SUPT6H: variants seen among roughly 807,000 people sequenced by gnomAD.
The protein encoded by SUPT6H is transcription elongation factor SPT6.
Under a neutral mutation model 222.3 loss-of-function variants are expected in SUPT6H, and 11 were observed. The observed-to-expected ratio is 0.05, with a 90% confidence interval of 0.03 to 0.08. SUPT6H has a LOEUF of 0.08. SUPT6H is among the 10% of genes least tolerant of loss of function. The pLI is 1.00. For synonymous variants in SUPT6H, 762 were observed against 801.2 expected (o/e 0.95, Z 0.83); for missense variants, 1,422 against 2,216.0 (o/e 0.64, Z 7.19).
intron 8 of SUPT6H, 50 bp from the exon 9 acceptor site, chr17:28,678,026 G>A (rs777061270): frequency 5.1e-6 from 8 of 1,575,312 alleles, no homozygotes; most frequent in South Asian, 2.3e-5. Flanking sequence ...TGTATGGTAA[G>A]ACAAACCAAG....
At chr17:28,693,643 G>C in intron 27 of SUPT6H, 53 bp from the exon 28 acceptor site, 1 of 1,604,770 alleles carries the variant, frequency 6.2e-7, no homozygotes, top group Non-Finnish European at 8.5e-7. Flanking sequence ...TTTTCTGAAT[G>C]AGCGATCTCC....
chr17:28,667,622 C>T (rs1246593035), intron 1 of SUPT6H, among the ~76,000 whole-genome samples: 1 of 150,526 alleles, frequency 6.6e-6, no homozygotes, highest in Non-Finnish European at 1.5e-5. Context: ...GGCTGTTCTC[C>T]AGAGCACCAC....
intron 1 of SUPT6H, among the ~76,000 whole-genome samples, chr17:28,667,394 A>AAAAAAAT (rs1555546879): frequency 1.7e-5 from 1 of 59,330 alleles, no homozygotes; most frequent in Non-Finnish European, 3.0e-5. Flanking sequence ...AAAAAAAAAA[A>AAAAAAAT]GTGTGTGTGT....
chr17:28,674,846 C>T (rs1225954510), intron 4 of SUPT6H, 124 bp from the exon 5 acceptor site: 1 of 1,222,994 alleles, frequency 8.2e-7, no homozygotes, highest in Non-Finnish European at 1.1e-6. Context: ...CATCACTCGG[C>T]ATGTTCTTTC....
chr17:28,682,148 T>C (rs1423221987), intron 13 of SUPT6H, 168 bp downstream of exon 13: 3 of 515,486 alleles, frequency 5.8e-6, no homozygotes, highest in Non-Finnish European at 1.0e-5. Flanking sequence ...TCCAAACCCA[T>C]TCCCGCCCGA....
At chr17:28,678,035 A>G (rs2030865448) in intron 8 of SUPT6H, 41 bp from the exon 9 acceptor site, 1 of 1,579,674 alleles carries the variant, frequency 6.3e-7, no homozygotes, top group Admixed American at 1.7e-5. Context: ...AGACAAACCA[A>G]GTAAACATTG....
chr17:28,699,686 C>T (rs1470925810), intron 32 of SUPT6H, 95 bp from the exon 33 acceptor site: 2 of 1,021,584 alleles, frequency 2.0e-6, no homozygotes, highest in East Asian at 4.7e-5. Flanking sequence ...CCCTAGCACC[C>T]AGAATGGCTA....
intron 27 of SUPT6H, among the ~76,000 whole-genome samples, chr17:28,692,064 C>T (rs1452378625): frequency 7.3e-5 from 11 of 151,716 alleles, no homozygotes; most frequent in Non-Finnish European, 1.6e-4. Context: ...TGGCTCACTC[C>T]TGTAATCCCA....
intron 20 of SUPT6H, 29 bp downstream of exon 20, chr17:28,686,444 TA>T: frequency 1.2e-6 from 2 of 1,609,742 alleles, no homozygotes; most frequent in Non-Finnish European, 1.7e-6. Context: ...ACACCTGGTT[TA>T]AGGCCGTGAC....
Position 28,687,189 on chromosome 17 carries a change from T to A in SUPT6H, c.2802T>A (p.Asp934Glu). 1 of 1,614,192 alleles carries A rather than the reference T, an allele frequency of 6.2e-7. No individual in the cohort carries two copies. Among genetic ancestry groups the A allele is most frequent in the Non-Finnish European group, 8.5e-7 (1 of 1,180,036 alleles). ...LIEFAQVCSS[D>E]EDILCLKFHP... ...AATTTGCCCAGGTGTGCAGTTCCGA[T>A]GAAGACATCCTGTGTCTCAAGTTTC... The change falls in exon 22 of 37, where the codon GAT becomes GAA. Residue 934 changes from aspartate to glutamate, a missense_variant. Physicochemically the swap from Asp to Glu is conservative, Grantham distance 45. This residue lies in a region of SUPT6H where 294 missense variants were observed against 382.1 expected (regional missense o/e 0.77). Coordinates refer to ENST00000314616, the MANE Select transcript of SUPT6H (RefSeq NM_003170.5).
At position 28,701,783 on chromosome 17, in the gene SUPT6H, TGTGAACTTGAGCTCA is replaced by T. The variant is rs2032147577; in HGVS notation, c.*162_*176del. The T allele has an allele frequency of 1.8e-5, 14 of 768,866 alleles. No homozygotes were observed. Among genetic ancestry groups the T allele is most frequent in the Non-Finnish European group, 2.8e-5 (14 of 491,474 alleles). The allele number at this position is 768,866 out of a possible 1,614,324, so 47.6% of individuals were successfully genotyped here. ...GGATGGGTGACAGGCTGGATGGCCT[TGTGAACTTGAGCTCA>T]GTGTATGCTAGGCAACAATTCTCCC... On this transcript the variant is annotated 3_prime_UTR_variant, in exon 37 of 37. Coordinates refer to ENST00000314616, the MANE Select transcript of SUPT6H (RefSeq NM_003170.5).
chr17:28,700,121 A>G (rs2032072746), intron 33 of SUPT6H, 52 bp from the exon 34 acceptor site: 1 of 1,612,774 alleles, frequency 6.2e-7, no homozygotes, highest in Non-Finnish European at 8.5e-7. Flanking sequence ...CTGAATTGGG[A>G]AACCAAAAAT....
At chr17:28,680,455 G>A (rs542309863) in intron 11 of SUPT6H, among the ~76,000 whole-genome samples, 7 of 151,550 alleles carry the variant, frequency 4.6e-5, no homozygotes, top group South Asian at 4.2e-4. Flanking sequence ...AAAATTAGTC[G>A]GGTGTGGTGG....
intron 12 of SUPT6H, among the ~76,000 whole-genome samples, 161 bp from the exon 13 acceptor site, chr17:28,681,712 CAAAAAAAAA>C (rs541707928): frequency 1.1e-5 from 1 of 89,084 alleles, no homozygotes; most frequent in Non-Finnish European, 2.3e-5. Flanking sequence ...GGCTGTGTCT[CAAAAAAAAA>C]AAAAAAAAAT....
In SUPT6H at chr17:28,695,294, T is replaced by C. The variant is rs910149997; in HGVS notation, c.3775-58T>C. The stretch of plus-strand genomic sequence containing the variant: ...GACTTTGGTTTTCTCATGGGTGAAA[T>C]AGGGCATCGGGCTAGATCATCTTTG... On this transcript the variant is annotated intron_variant, in intron 28 of 36. Coordinates refer to ENST00000314616, the MANE Select transcript of SUPT6H (RefSeq NM_003170.5). The C allele has an allele frequency of 9.1e-6, 14 of 1,543,324 alleles. 1 individual carries two copies. The highest frequency in any genetic ancestry group is 1.7e-4 in the Middle Eastern group (1 of 5,840).
At position 28,689,375 on chromosome 17, in the gene SUPT6H, C is replaced by G. The variant is rs1230799465; in HGVS notation, c.3156C>G (p.Val1052=). ...LGDSTDSYIE[V]LDGSRVHPET... ...CCAGCACTGACTCATATATTGAAGT[C>G]CTTGATGGTTCCCGTGTCCACCCTG... Residue 1052 remains valine, a synonymous_variant, in exon 25 of 37, where the codon GTC becomes GTG. Coordinates refer to ENST00000314616, the MANE Select transcript of SUPT6H (RefSeq NM_003170.5). The G allele has an allele frequency of 6.2e-7, 1 of 1,614,188 alleles. No individual in the cohort carries two copies. Among genetic ancestry groups the G allele is most frequent in the Non-Finnish European group, 8.5e-7 (1 of 1,180,032 alleles).
At chr17:28,690,316 G>A in intron 26 of SUPT6H, 87 bp downstream of exon 26, 2 of 1,531,578 alleles carry the variant, frequency 1.3e-6, no homozygotes, top group Non-Finnish European at 1.8e-6. Flanking sequence ...AACAGATTGA[G>A]GCAGGTTTGT....
rs2031551915 is a variant in SUPT6H, at chr17:28,689,694, C to T, written c.3342+133C>T. The T allele has an allele frequency of 9.0e-6, 8 of 884,918 alleles. No homozygotes were observed. The East Asian group carries it at 2.1e-4, about 23-fold the overall frequency. 54.8% of individuals were successfully genotyped at this position (884,918 alleles called of 1,614,324 possible). A position where few individuals can be genotyped will look rare whatever the true frequency, so the allele number is the denominator to read the frequency against. On this transcript the variant is annotated intron_variant, in intron 25 of 36. Coordinates refer to ENST00000314616, the MANE Select transcript of SUPT6H (RefSeq NM_003170.5). ...GCAGACTTGATCCTCATCTCCCTGC[C>T]CTGCTCTACTGGGCTCCTCAAGGAA...
Position 28,687,223 on chromosome 17 carries a change from C to G in SUPT6H, c.2836C>G (p.Gln946Glu). The G allele has an allele frequency of 6.2e-7, 1 of 1,614,170 alleles. No individual in the cohort carries two copies. The highest frequency in any genetic ancestry group is 8.5e-7 in the Non-Finnish European group (1 of 1,180,026). ...DILCLKFHPL[Q>E]EHVVKEELLN... ...CCTGTGTCTCAAGTTTCACCCCTTGCAGGTGAGTAGGATTTGACAGGCAGG... is the reference window on the plus strand; with the variant it reads ...CCTGTGTCTCAAGTTTCACCCCTTGGAGGTGAGTAGGATTTGACAGGCAGG... Residue 946 changes from glutamine to glutamate, a missense_variant and splice_region_variant, in exon 22 of 37, where the codon CAG becomes GAG. Coordinates refer to ENST00000314616, the MANE Select transcript of SUPT6H (RefSeq NM_003170.5).
Sources: allele counts gnomAD v4.1 joint callset (sites outside exome capture counted in the v4.1 genomes callset), GRCh38; gene constraint gnomAD v4.1.1; regional missense constraint gnomAD v4.1.1; transcripts MANE v1.5; gene names NCBI Gene and HGNC (gene_info 2026-07-23, HGNC 2026-07-21).